Variants in GAPVD1 observed in about 807,000 individuals in gnomAD.
The protein encoded by GAPVD1 is GTPase activating protein and VPS9 domains 1.
GAPVD1 carries 35 observed loss-of-function variants against 155.5 expected under a neutral mutation model. The observed-to-expected ratio is 0.23, with a 90% CI of 0.17 to 0.30. The LOEUF (loss-of-function observed/expected upper bound fraction) is 0.30. Ranked by LOEUF, GAPVD1 falls within the 10% of genes least tolerant of loss-of-function variation. GAPVD1 has a pLI of 1.00. For synonymous variants in GAPVD1, 636 were observed against 619.7 expected, an observed-to-expected ratio of 1.03 and a Z score of -0.39; for missense variants, 1,429 against 1,775.7, an observed-to-expected ratio of 0.80 and a Z score of 3.51.
At chr9:125,323,039 C>T (rs1161030564) in intron 10 of GAPVD1, among the ~76,000 whole-genome samples, 2 of 139,880 alleles carry the variant, frequency 1.4e-5, no homozygotes, top group Admixed American at 7.6e-5. Flanking sequence ...GACGATAGAG[C>T]GAGACTCTCT....
chr9:125,352,828 C>G (rs1849500765), intron 23 of GAPVD1, among the ~76,000 whole-genome samples: 1 of 152,100 alleles, frequency 6.6e-6, no homozygotes, highest in Admixed American at 6.5e-5. Context: ...TGTATGCTGG[C>G]CAGCATGGTA....
chr9:125,274,813 A>G (rs1057169659), intron 2 of GAPVD1, among the ~76,000 whole-genome samples: 3 of 152,074 alleles, frequency 2.0e-5, no homozygotes, highest in Non-Finnish European at 2.9e-5. Flanking sequence ...AACATACCCT[A>G]TGAAGTAGGT....
intron 15 of GAPVD1, among the ~76,000 whole-genome samples, chr9:125,333,081 T>G (rs892882028): frequency 5.5e-5 from 8 of 146,062 alleles, no homozygotes; most frequent in African/African-American, 2.1e-4. Flanking sequence ...AAAACTTCTG[T>G]TTTTTTTTTG....
At chr9:125,347,245 G>A (rs574641283) in intron 20 of GAPVD1, among the ~76,000 whole-genome samples, 1 of 152,184 alleles carries the variant, frequency 6.6e-6, no homozygotes, top group Non-Finnish European at 1.5e-5. Context: ...CTACAGCTTT[G>A]TAATTTTATC....
chr9:125,350,025 C>T (rs763004701), intron 21 of GAPVD1, among the ~76,000 whole-genome samples: 2 of 151,998 alleles, frequency 1.3e-5, no homozygotes, highest in Admixed American at 6.6e-5. Context: ...TTATAGCACC[C>T]GTCATGGAAC....
Position 125,324,174 on chromosome 9 carries a change from G to A in GAPVD1, c.1858+251G>A, listed in dbSNP as rs572438187. ...GATATTTTAATTATGTAATATTTTA[G>A]GGATACAATGTAAATACTCAAGGCT... On this transcript the variant is annotated intron_variant, in intron 11 of 27. Coordinates refer to ENST00000297933, the MANE Select transcript of GAPVD1 (RefSeq NM_001282680.3). Among the ~76,000 whole-genome samples the A allele has an allele frequency of 3.3e-5, 5 of 152,200 alleles. No individual in the cohort carries two copies. In the South Asian group the frequency reaches 1.0e-3, roughly 32 times the overall value.
In GAPVD1 at chr9:125,337,324, G is replaced by C; in HGVS notation, c.2610G>C (p.Arg870Ser). ...LEGAVGGNEA[R>S]LPNFGSHVLT... Reference sequence around the variant, plus strand: ...GAGCTGTGGGAGGAAATGAGGCCAGGTTGCCAAACTTTGGTTCCCATGTTT... The same window carrying C: ...GAGCTGTGGGAGGAAATGAGGCCAGCTTGCCAAACTTTGGTTCCCATGTTT... The change falls in exon 17 of 28, where the codon AGG becomes AGC. Residue 870 changes from arginine to serine, a missense_variant. Arg to Ser is a moderately radical substitution (Grantham distance 110, BLOSUM62 -1). Around this residue, in one of 4 missense-constraint regions of GAPVD1, gnomAD observed 699 missense variants for 826.0 expected, o/e 0.85. Transcript: ENST00000297933. The C allele has an allele frequency of 6.2e-7, 1 of 1,614,208 alleles. No individual in the cohort carries two copies. Among genetic ancestry groups the C allele is most frequent in the Non-Finnish European group, 8.5e-7 (1 of 1,180,038 alleles).
intron 1 of GAPVD1, chr9:125,263,751 T>C: frequency 3.4e-6 from 3 of 891,424 alleles, no homozygotes; most frequent in Non-Finnish European, 5.6e-6. Context: ...CTTCCCCTCT[T>C]GTGAGTCTCG....
At position 125,305,069 on chromosome 9, in the gene GAPVD1, C is replaced by T. The variant is rs768871532; in HGVS notation, c.1036C>T (p.Arg346Cys). ...CCACTGCTTTGGGTTGCAGGTAGGC[C>T]GCCTTTTGCAGCAGTTAGCAATGAC... The part of the protein sequence containing the change: ...VARFNLMQVG[R>C]LLQQLAMTGS... The change falls in exon 6 of 28, where the codon CGC becomes TGC. Residue 346 changes from arginine (R) to cysteine (C), a missense_variant. Arg to Cys is a radical substitution (Grantham distance 180, BLOSUM62 -3). Coordinates refer to ENST00000297933, the MANE Select transcript of GAPVD1 (RefSeq NM_001282680.3). The T allele has an allele frequency of 3.1e-6, 5 of 1,612,872 alleles. No homozygotes were observed. Among genetic ancestry groups the T allele is most frequent in the East Asian group, 4.5e-5 (2 of 44,864 alleles).
Position 125,312,510 on chromosome 9 carries a change from A to G in GAPVD1, c.1500A>G (p.Gly500=). 1 of 1,609,924 alleles carries G rather than the reference A, an allele frequency of 6.2e-7. No individual in the cohort carries two copies. Among genetic ancestry groups the G allele is most frequent in the Non-Finnish European group, 8.5e-7 (1 of 1,177,772 alleles). ...MLMDLHMDHE[G]SSQETIQEVQ... ...TGGACCTACATATGGACCATGAAGGATCATCTCAAGAAACCATTCAGGAGG... is the reference window on the plus strand; with the variant it reads ...TGGACCTACATATGGACCATGAAGGGTCATCTCAAGAAACCATTCAGGAGG... Residue 500 remains glycine (G), a synonymous_variant, in exon 9 of 28, where the codon GGA becomes GGG. Transcript: ENST00000297933.
chr9:125,300,394 C>G (rs1840682669), intron 4 of GAPVD1, among the ~76,000 whole-genome samples: 1 of 151,454 alleles, frequency 6.6e-6, no homozygotes, highest in Non-Finnish European at 1.5e-5. Context: ...GTTGGTCAGA[C>G]TGGTCTTGAA....
chr9:125,307,529 C>T lies in GAPVD1; in HGVS notation c.1233C>T (p.Tyr411=), dbSNP rs534105036. The T allele has an allele frequency of 3.7e-6, 6 of 1,611,256 alleles. No individual in the cohort carries two copies. In the African/African-American group the frequency reaches 6.7e-5, roughly 18 times the overall value. ...GLSRTVVYIT[Y]SQLITLVNFM... ...GCAGAACTGTGGTTTATATAACCTA[C>T]AGTCAGCTTATTACTCTGGTAATGG... The change falls in exon 7 of 28, where the codon TAC becomes TAT. Residue 411 remains tyrosine, a synonymous_variant. Transcript: ENST00000297933.
chr9:125,302,233 G>A lies in GAPVD1; in HGVS notation c.436G>A (p.Glu146Lys). The change falls in exon 5 of 28, where the codon GAA becomes AAA. Residue 146 changes from glutamate (E) to lysine (K), a missense_variant. Glu to Lys is a moderately conservative substitution (Grantham distance 56). Coordinates refer to ENST00000297933, the MANE Select transcript of GAPVD1 (RefSeq NM_001282680.3). ...TGGCAATTGCATCATGCAAGAAGAT[G>A]AAAGCTACCTCCTTCAGGTTTTGCG... Reference protein sequence around the residue: ...LYGNCIMQEDESYLLQVLRYL... With the variant: ...LYGNCIMQEDKSYLLQVLRYL... 6.2e-7 allele frequency: 1 copy of A among 1,614,060 alleles called. No homozygotes were observed. Among genetic ancestry groups the A allele is most frequent in the Non-Finnish European group, 8.5e-7 (1 of 1,179,970 alleles).
chr9:125,350,054 T>A (rs1849088641), intron 21 of GAPVD1, among the ~76,000 whole-genome samples: 1 of 152,122 alleles, frequency 6.6e-6, no homozygotes, highest in African/African-American at 2.4e-5. Flanking sequence ...TGAAAAAAGG[T>A]CAGAAAGGAT....
At position 125,293,850 on chromosome 9, in the gene GAPVD1, TTTTA is replaced by T. The variant is rs1393758005; in HGVS notation, c.-149-1606_-149-1603del. Among the ~76,000 whole-genome samples the T allele has an allele frequency of 1.5e-3, 66 of 42,842 alleles. 1 individual carries two copies. Among genetic ancestry groups the T allele is most frequent in the Middle Eastern group, 0.023 (2 of 86 alleles). The allele number at this position is 42,842 out of a possible 152,430, so 28.1% of individuals were successfully genotyped here. A position where few individuals can be genotyped will look rare whatever the true frequency, so the allele number is the denominator to read the frequency against. ...AAAAAAATATATATATAAAAATATA[TTTTA>T]TATATATATATATATATATATATAT... On this transcript the variant is annotated intron_variant, in intron 2 of 27. Coordinates refer to ENST00000297933, the MANE Select transcript of GAPVD1 (RefSeq NM_001282680.3).
intron 12 of GAPVD1, among the ~76,000 whole-genome samples, chr9:125,327,531 C>A (rs1045025973): frequency 2.0e-5 from 3 of 151,950 alleles, no homozygotes; most frequent in African/African-American, 7.3e-5. Flanking sequence ...AAGATAGAGT[C>A]TTACTCTGTC....
At chr9:125,352,942 C>T (rs1849520334) in intron 23 of GAPVD1, among the ~76,000 whole-genome samples, 1 of 151,874 alleles carries the variant, frequency 6.6e-6, no homozygotes, top group Admixed American at 6.6e-5. Context: ...CTCTGTCTCT[C>T]CTAAAAATAC....
intron 2 of GAPVD1, among the ~76,000 whole-genome samples, chr9:125,280,575 C>CTTTTT (rs1197408782): frequency 7.3e-6 from 1 of 137,694 alleles, no homozygotes; most frequent in Non-Finnish European, 1.6e-5. Context: ...GTTACTACTA[C>CTTTTT]TTTTTTTTTT....
chr9:125,312,344 G>T, intron 8 of GAPVD1, 108 bp from the exon 9 acceptor site: 2 of 684,554 alleles, frequency 2.9e-6, no homozygotes, highest in Non-Finnish European at 4.8e-6. Flanking sequence ...TACCACTCTT[G>T]TGCATGTGCA....
Sources: gnomAD v4.1 joint callset for allele counts (sites outside exome capture counted in the v4.1 genomes callset) on GRCh38, gnomAD v4.1.1 for gene constraint, gnomAD v4.1.1 regional missense constraint, MANE v1.5 for transcripts, NCBI Gene and HGNC (gene_info 2026-07-23, HGNC 2026-07-21) for gene names.